The following UCK2 variants were observed in gnomAD, a reference collection of about 807,000 sequenced individuals.
UCK2 encodes cytidine monophosphokinase 2.
A neutral mutation model predicts 30.8 loss-of-function variants in UCK2; 6 were observed. The observed-to-expected ratio is 0.19, with a 90% CI of 0.11 to 0.38. The LOEUF (loss-of-function observed/expected upper bound fraction) is 0.38, where lower values mean the gene tolerates loss of function less well. Among genes scored for constraint, UCK2 ranks in the 10% least tolerant of loss-of-function variants. The pLI is 1.00. For missense variants in UCK2, 210 were observed against 339.8 expected (o/e 0.62, Z 3.00); for synonymous variants, 125 against 133.6 (o/e 0.94, Z 0.45).
At chr1:165,830,636 T>C (rs1356737090) in intron 1 of UCK2, among the ~76,000 whole-genome samples, 1 of 152,226 alleles carries the variant, frequency 6.6e-6, no homozygotes, top group Admixed American at 6.5e-5. Context: ...CTTTATTTTT[T>C]GTAGAGACTA....
chr1:165,890,564 C>T (rs1402900080), intron 2 of UCK2, among the ~76,000 whole-genome samples: 3 of 152,156 alleles, frequency 2.0e-5, no homozygotes, highest in Non-Finnish European at 2.9e-5. Flanking sequence ...GTGCTTGGCT[C>T]ATTAAATACT....
intron 4 of UCK2, chr1:165,900,054 T>C (rs1294795261): frequency 3.3e-5 from 5 of 152,328 alleles, no homozygotes. Flanking sequence ...TGTTGTCCTA[T>C]GTGCTTGTGT....
chr1:165,852,969 T>C (rs555225962), intron 1 of UCK2, among the ~76,000 whole-genome samples: 1 of 152,366 alleles, frequency 6.6e-6, no homozygotes, highest in Admixed American at 6.5e-5. Flanking sequence ...AGTTTATCCC[T>C]CTCTTGGTGC....
rs998177455 is a variant in UCK2, at chr1:165,908,965, C to T, written c.*1142C>T. ...GAGTAACTTTGGTCAGGGATTCTCA[C>T]TAGCAGCGTCATGGCCAGGATGCTT... is the stretch of plus-strand genomic sequence containing the variant. On this transcript the variant is annotated 3_prime_UTR_variant, in exon 7 of 7. Coordinates refer to ENST00000367879, the MANE Select transcript of UCK2 (RefSeq NM_012474.5). 2.0e-5 allele frequency: 3 copies of T among 152,258 alleles called. No individual in the cohort carries two copies. Among genetic ancestry groups the T allele is most frequent in the Non-Finnish European group, 2.9e-5 (2 of 68,060 alleles). 9.4% of individuals were successfully genotyped at this position (152,258 alleles called of 1,614,324 possible).
intron 4 of UCK2, chr1:165,898,152 T>C (rs888862184): frequency 6.6e-6 from 1 of 152,232 alleles, no homozygotes; most frequent in Non-Finnish European, 1.5e-5. Context: ...TGTCAGCTTG[T>C]CAAATTAGAG....
intron 1 of UCK2, among the ~76,000 whole-genome samples, chr1:165,853,360 T>A (rs189564813): frequency 1.1e-4 from 17 of 152,292 alleles, no homozygotes; most frequent in Admixed American, 7.2e-4. Context: ...TTTGATATTT[T>A]TTTTTTTGTT....
At chr1:165,856,222 G>A (rs997348554) in intron 1 of UCK2, among the ~76,000 whole-genome samples, 3 of 151,860 alleles carry the variant, frequency 2.0e-5, no homozygotes, top group Non-Finnish European at 2.9e-5. Flanking sequence ...AGCTCACACA[G>A]CTAATCAGTG....
chr1:165,889,429 C>T (rs1044125174), intron 1 of UCK2, among the ~76,000 whole-genome samples: 6 of 152,208 alleles, frequency 3.9e-5, no homozygotes, highest in African/African-American at 1.4e-4. Context: ...CATCACCATG[C>T]CTTCATTCTA....
At chr1:165,853,028 A>G (rs1654636719) in intron 1 of UCK2, among the ~76,000 whole-genome samples, 1 of 151,586 alleles carries the variant, frequency 6.6e-6, no homozygotes. Flanking sequence ...ATTACTTGTC[A>G]TGTGAATATC....
chr1:165,881,360 T>C (rs1366995904), intron 1 of UCK2, among the ~76,000 whole-genome samples: 2 of 152,100 alleles, frequency 1.3e-5, no homozygotes, highest in African/African-American at 4.8e-5. Context: ...AGGGTTTTTT[T>C]TTGTTTGTTT....
In UCK2 at chr1:165,899,509, T is replaced by C. The variant is rs577362565; in HGVS notation, c.499+3177T>C. Among the ~76,000 whole-genome samples the C allele has an allele frequency of 2.0e-3, 301 of 152,352 alleles. 8 individuals carry two copies. The South Asian group carries it at 0.059, about 30-fold the overall frequency. On this transcript the variant is annotated intron_variant, in intron 4 of 6. Transcript: ENST00000367879. ...GATTGACTTCACCATTGAGGAATTA[T>C]CTTTATTTTGGGTCCCTCTAAGTTT...
chr1:165,870,621 A>G (rs994089054), intron 1 of UCK2, among the ~76,000 whole-genome samples: 1 of 152,246 alleles, frequency 6.6e-6, no homozygotes, highest in Non-Finnish European at 1.5e-5. Context: ...ATGGGTAGAC[A>G]GCACACTACA....
intron 1 of UCK2, among the ~76,000 whole-genome samples, chr1:165,841,224 C>T (rs1654324369): frequency 6.6e-6 from 1 of 151,710 alleles, no homozygotes; most frequent in Admixed American, 6.6e-5. Flanking sequence ...GCTCTTGTCA[C>T]CCAGGCTGGA....
intron 4 of UCK2, among the ~76,000 whole-genome samples, chr1:165,898,712 G>C (rs1037823217): frequency 6.6e-6 from 1 of 152,204 alleles, no homozygotes; most frequent in African/African-American, 2.4e-5. Context: ...AGATCATCAC[G>C]GTGTGGTTTC....
At chr1:165,829,917 T>C (rs958986116) in intron 1 of UCK2, among the ~76,000 whole-genome samples, 6 of 152,266 alleles carry the variant, frequency 3.9e-5, no homozygotes, top group Non-Finnish European at 7.3e-5. Flanking sequence ...TAAGTGGCAC[T>C]GTCACAGCTC....
intron 6 of UCK2, 143 bp downstream of exon 6, chr1:165,906,112 C>T: frequency 1.3e-6 from 1 of 759,472 alleles, no homozygotes; most frequent in Non-Finnish European, 2.2e-6. Context: ...AGAACCTTTC[C>T]ACCTACACGT....
Position 165,907,679 on chromosome 1 carries a change from C to A in UCK2, c.647-5C>A, listed in dbSNP as rs1647713938. On this transcript the variant is annotated splice_polypyrimidine_tract_variant and splice_region_variant and intron_variant, in intron 6 of 6. Transcript: ENST00000367879. ...CGTAACGCTCTGCTGGTCTCTGCCC[C>A]ACAGTGGCCATCAACCTCATCGTGC... The A allele has an allele frequency of 6.2e-7, 1 of 1,614,040 alleles. No homozygotes were observed.
rs1389940412 is a variant in UCK2 at position 165,910,400 on chromosome 1, G to T, written c.*2577G>T. 6.6e-6 allele frequency: 1 copy of T among 152,304 alleles called. No individual in the cohort carries two copies. The highest frequency in any genetic ancestry group is 1.5e-5 in the Non-Finnish European group (1 of 68,152). 9.4% of individuals were successfully genotyped at this position (152,304 alleles called of 1,614,324 possible). A position where few individuals can be genotyped will look rare whatever the true frequency, so the allele number is the denominator to read the frequency against. On this transcript the variant is annotated 3_prime_UTR_variant, in exon 7 of 7. Coordinates refer to ENST00000367879, the MANE Select transcript of UCK2 (RefSeq NM_012474.5). ...GTGGAGGCACAGATGAGCAGAGTGG[G>T]GTGATGTTGGTTGTATGTGCATAGA...
chr1:165,836,490 T>A (rs1290807983), intron 1 of UCK2, among the ~76,000 whole-genome samples: 1 of 152,260 alleles, frequency 6.6e-6, no homozygotes, highest in African/African-American at 2.4e-5. Flanking sequence ...TTTAAAATTA[T>A]ATGTCAAAAT....
Sources: gnomAD v4.1 joint callset for allele counts (sites outside exome capture counted in the v4.1 genomes callset) on GRCh38, gnomAD v4.1.1 for gene constraint, MANE v1.5 for transcripts, NCBI Gene and HGNC (gene_info 2026-07-23, HGNC 2026-07-21) for gene names.